Variants in SMOC2 observed in about 807,000 individuals in gnomAD.
SMOC2 encodes SPARC related modular calcium binding 2.
SMOC2 carries 39 observed loss-of-function variants against 61.4 expected under a neutral mutation model. The observed-to-expected ratio is 0.64, with a 90% CI of 0.49 to 0.83. The LOEUF (loss-of-function observed/expected upper bound fraction) is 0.83. Ranked by LOEUF, SMOC2 falls within the 40% of genes least tolerant of loss-of-function variation. SMOC2 has a pLI of 0.00. For synonymous variants in SMOC2, 247 were observed against 239.9 expected, an observed-to-expected ratio of 1.03 and a Z score of -0.27; for missense variants, 556 against 592.9, an observed-to-expected ratio of 0.94 and a Z score of 0.65.
In SMOC2 at chr6:168,590,906, A is replaced by G. The variant is rs142501995; in HGVS notation, c.638-7912A>G. Among the ~76,000 whole-genome samples, 98 of 152,338 alleles carry G rather than the reference A, an allele frequency of 6.4e-4. 1 individual carries two copies. Among genetic ancestry groups the G allele is most frequent in the Middle Eastern group, 3.4e-3 (1 of 294 alleles). On this transcript the variant is annotated intron_variant, in intron 7 of 12. Transcript: ENST00000356284. ...TGGGAAACGAACTCATATTTTTTTA[A>G]TAGACCTTCTACCAACTTTACAAAG... is the stretch of plus-strand genomic sequence containing the variant.
intron 6 of SMOC2, among the ~76,000 whole-genome samples, chr6:168,547,634 C>A (rs4708749): frequency 1.3e-5 from 2 of 151,784 alleles, no homozygotes; most frequent in Non-Finnish European, 2.9e-5. Flanking sequence ...CCACACGCCC[C>A]TGAAGTAACT....
intron 1 of SMOC2, among the ~76,000 whole-genome samples, chr6:168,502,730 ATTT>A (rs1330286681): frequency 7.6e-6 from 1 of 131,638 alleles, no homozygotes; most frequent in Non-Finnish European, 1.6e-5. Flanking sequence ...TTACTTTTTT[ATTT>A]TATTTTAATT....
chr6:168,630,169 G>A (rs2115246030), intron 9 of SMOC2, among the ~76,000 whole-genome samples: 1 of 152,318 alleles, frequency 6.6e-6, no homozygotes, highest in South Asian at 2.1e-4. Flanking sequence ...GTGTGAGGTA[G>A]AAAGAAGACA....
intron 1 of SMOC2, among the ~76,000 whole-genome samples, chr6:168,472,711 G>A (rs941726828): frequency 6.6e-6 from 1 of 152,110 alleles, no homozygotes; most frequent in Non-Finnish European, 1.5e-5. Flanking sequence ...TGTTGGGAAT[G>A]CAGGCATTTT....
intron 9 of SMOC2, among the ~76,000 whole-genome samples, chr6:168,650,070 C>T (rs569519723): frequency 6.6e-6 from 1 of 152,254 alleles, no homozygotes; most frequent in African/African-American, 2.4e-5. Context: ...TGTTGGGTGC[C>T]TGAATTATTC....
intron 9 of SMOC2, among the ~76,000 whole-genome samples, chr6:168,644,367 A>T (rs1283744498): frequency 6.6e-6 from 1 of 152,242 alleles, no homozygotes; most frequent in African/African-American, 2.4e-5. Flanking sequence ...ATGAGTAGCC[A>T]TGACATTTTA....
intron 4 of SMOC2, among the ~76,000 whole-genome samples, chr6:168,543,318 T>C (rs1225461220): frequency 2.0e-5 from 3 of 152,248 alleles, no homozygotes; most frequent in African/African-American, 7.2e-5. Context: ...CATGGGTATG[T>C]ATGTTATGGC....
intron 9 of SMOC2, among the ~76,000 whole-genome samples, chr6:168,624,244 G>A (rs1583168790): frequency 6.6e-6 from 1 of 152,174 alleles, no homozygotes; most frequent in Non-Finnish European, 1.5e-5. Context: ...ATAGATTAGT[G>A]GATTGATATT....
intron 8 of SMOC2, among the ~76,000 whole-genome samples, chr6:168,607,869 T>TCCAACCATGCAACGGGAGGAGGGGGA (rs1440562829): frequency 1.8e-5 from 1 of 56,680 alleles, no homozygotes; most frequent in Non-Finnish European, 3.9e-5. Context: ...TGTGGGTGCT[T>TCCAACCATGCAACGGGAGGAGGGGGA]GGCAGCTGCT....
chr6:168,480,015 A>G (rs963140907), intron 1 of SMOC2, among the ~76,000 whole-genome samples: 1 of 152,184 alleles, frequency 6.6e-6, no homozygotes, highest in Non-Finnish European at 1.5e-5. Context: ...AGGCTCAGAA[A>G]AGACCTGAGA....
intron 9 of SMOC2, among the ~76,000 whole-genome samples, chr6:168,635,501 T>C (rs892215714): frequency 7.2e-5 from 11 of 151,772 alleles, no homozygotes; most frequent in African/African-American, 2.7e-4. Context: ...TAAGAAACAC[T>C]TTATTTTTGG....
At chr6:168,446,033 G>T (rs1423643435) in intron 1 of SMOC2, among the ~76,000 whole-genome samples, 1 of 152,182 alleles carries the variant, frequency 6.6e-6, no homozygotes, top group African/African-American at 2.4e-5. Context: ...ACATTGGTTT[G>T]GAGGTCAAGG....
Position 168,543,666 on chromosome 6 carries a change from A to G in SMOC2, c.505A>G (p.Lys169Glu). 1 of 1,613,594 alleles carries G rather than the reference A, an allele frequency of 6.2e-7. No homozygotes were observed. Among genetic ancestry groups the G allele is most frequent in the East Asian group, 2.2e-5 (1 of 44,886 alleles). Residue 169 changes from lysine to glutamate, a missense_variant, in exon 5 of 13, where the codon AAA becomes GAA. Lys to Glu is a moderately conservative substitution (Grantham distance 56). Transcript: ENST00000356284. ...EKLPQREGTG[K>E]TDDAAAPALE... ...GTTACCCCAACGCGAAGGCACAGGAAAAACAGGTAACTATCTTAGAATAAA... is the reference window on the plus strand; with the variant it reads ...GTTACCCCAACGCGAAGGCACAGGAGAAACAGGTAACTATCTTAGAATAAA...
intron 1 of SMOC2, among the ~76,000 whole-genome samples, chr6:168,497,836 A>G (rs923726506): frequency 6.6e-6 from 1 of 152,176 alleles, no homozygotes; most frequent in African/African-American, 2.4e-5. Flanking sequence ...CAGAACTGTG[A>G]TGATGGGGGG....
chr6:168,652,386 C>T (rs1172706858), intron 10 of SMOC2, among the ~76,000 whole-genome samples: 5 of 152,206 alleles, frequency 3.3e-5, no homozygotes, highest in African/African-American at 1.2e-4. Flanking sequence ...CGCACACACA[C>T]ACCCTCCATC....
chr6:168,504,961 T>C (rs116819377), intron 1 of SMOC2, among the ~76,000 whole-genome samples: 1,955 of 136,436 alleles, frequency 0.014, 37 homozygotes, highest in African/African-American at 0.053. Flanking sequence ...TAAGGGTTTC[T>C]AAAATACATA....
At chr6:168,637,908 TATGCTGAGCTGGAGCTGG>T (rs1562397737) in intron 9 of SMOC2, among the ~76,000 whole-genome samples, 3 of 144,300 alleles carry the variant, frequency 2.1e-5, no homozygotes, top group African/African-American at 7.5e-5. Context: ...GGGCGTGCTG[TATGCTGAGCTGGAGCTGG>T]ATGCTGAGCT....
At chr6:168,554,656 G>A (rs1562344494) in intron 7 of SMOC2, among the ~76,000 whole-genome samples, 1 of 152,216 alleles carries the variant, frequency 6.6e-6, no homozygotes, top group Non-Finnish European at 1.5e-5. Flanking sequence ...AGTCCTCGGA[G>A]CTGGCAGCCA....
intron 9 of SMOC2, among the ~76,000 whole-genome samples, chr6:168,623,594 C>G (rs1786304746): frequency 6.8e-6 from 1 of 147,946 alleles, no homozygotes; most frequent in Non-Finnish European, 1.5e-5. Flanking sequence ...CCTTGGCCTC[C>G]CAAAGTGCTG....
Sources: gnomAD v4.1 joint callset for allele counts (sites outside exome capture counted in the v4.1 genomes callset) on GRCh38, gnomAD v4.1.1 for gene constraint, MANE v1.5 for transcripts, NCBI Gene and HGNC (gene_info 2026-07-23, HGNC 2026-07-21) for gene names.